Variants in CEP162 observed in about 807,000 individuals in gnomAD.
CEP162 encodes the protein centrosomal protein of 162 kDa.
A neutral mutation model predicts 169.2 loss-of-function variants in CEP162; 141 were observed. That is an observed-to-expected ratio of 0.83 (90% CI 0.73 to 0.96). The LOEUF (loss-of-function observed/expected upper bound fraction) is 0.96. Among genes scored for constraint, CEP162 ranks in the 40% least tolerant of loss-of-function variants. CEP162 has a pLI of 0.00. For synonymous variants in CEP162, 540 were observed against 526.4 expected (o/e 1.03, Z -0.35); for missense variants, 1,600 against 1,587.2 (o/e 1.01, Z -0.14).
intron 13 of CEP162, among the ~76,000 whole-genome samples, chr6:84,177,800 T>C (rs963019737): frequency 1.3e-4 from 20 of 152,254 alleles, no homozygotes; most frequent in African/African-American, 4.3e-4. Context: ...GCCTCCCAGA[T>C]TGCTGGGATT....
chr6:84,165,748 CTG>C (rs924643664), intron 18 of CEP162, among the ~76,000 whole-genome samples: 1 of 152,132 alleles, frequency 6.6e-6, no homozygotes, highest in African/African-American at 2.4e-5. Context: ...CTTATAAACT[CTG>C]TTTTATACTG....
At chr6:84,167,121 T>C (rs557832766) in intron 18 of CEP162, among the ~76,000 whole-genome samples, 1 of 152,308 alleles carries the variant, frequency 6.6e-6, no homozygotes, top group South Asian at 2.1e-4. Flanking sequence ...AATTCACCTT[T>C]TACCACTTCT....
chr6:84,162,788 T>C (rs2099526300), intron 19 of CEP162, among the ~76,000 whole-genome samples: 2 of 152,154 alleles, frequency 1.3e-5, no homozygotes, highest in African/African-American at 4.8e-5. Flanking sequence ...AGTGCACTAC[T>C]ATTTATTCAC....
At position 84,226,386 on chromosome 6, in the gene CEP162, T is replaced by C. The variant is rs1313527341; in HGVS notation, c.8A>G (p.Asn3Ser). The C allele has an allele frequency of 6.4e-7, 1 of 1,568,604 alleles. No homozygotes were observed. The highest frequency in any genetic ancestry group is 1.2e-5 in the South Asian group (1 of 85,652). The change falls in exon 2 of 27, where the codon AAC becomes AGC. Residue 3 changes from asparagine to serine, a missense_variant. By Grantham distance (46) the Asn-to-Ser change is conservative. Coordinates refer to ENST00000403245, the MANE Select transcript of CEP162 (RefSeq NM_014895.4). The stretch of plus-strand genomic sequence containing the variant: ...TTCATCTAGCTCTTCTTGGGAACAG[T>C]TAGCCATAGTCAACAATTTTGACCT... MA[N>S]CSQEELDEEF... is the part of the protein sequence containing the mutation.
intron 11 of CEP162, among the ~76,000 whole-genome samples, chr6:84,191,452 A>G (rs1437058142): frequency 6.6e-6 from 1 of 152,258 alleles, no homozygotes; most frequent in East Asian, 1.9e-4. Flanking sequence ...AGTTCTTTCC[A>G]GTGGTTCTCA....
At chr6:84,186,216 G>A (rs1323992027) in intron 12 of CEP162, 116 bp downstream of exon 12, 3 of 606,536 alleles carry the variant, frequency 4.9e-6, no homozygotes, top group Non-Finnish European at 8.6e-6. Context: ...TACTGTGGAG[G>A]TTAGTATATA....
intron 13 of CEP162, among the ~76,000 whole-genome samples, chr6:84,181,155 A>C (rs1170223314): frequency 6.6e-6 from 1 of 151,660 alleles, no homozygotes; most frequent in East Asian, 1.9e-4. Context: ...AAAAACAGAG[A>C]TAGAGACCAA....
Position 84,205,929 on chromosome 6 carries a change from GACAA to G in CEP162, c.572-1837_572-1834del, listed in dbSNP as rs530620001. On this transcript the variant is annotated intron_variant, in intron 6 of 26. Transcript: ENST00000403245. ...CAAACATTCCTATACACCAATAACA[GACAA>G]ACAGAGAGCCAAACATGAGTGAACT... is the stretch of plus-strand genomic sequence containing the variant. Among the ~76,000 whole-genome samples, 545 of 148,706 alleles carry G rather than the reference GACAA, an allele frequency of 3.7e-3. 56 individuals carry two copies. Among genetic ancestry groups the G allele is most frequent in the African/African-American group, 0.013 (496 of 38,170 alleles).
chr6:84,225,800 T>C (rs1057209975), intron 2 of CEP162, among the ~76,000 whole-genome samples: 4 of 151,696 alleles, frequency 2.6e-5, no homozygotes, highest in African/African-American at 9.8e-5. Flanking sequence ...AGAAGAAGCC[T>C]CTCTGAAGTG....
intron 13 of CEP162, among the ~76,000 whole-genome samples, chr6:84,183,612 A>G (rs1410470200): frequency 6.6e-6 from 1 of 152,026 alleles, no homozygotes; most frequent in East Asian, 1.9e-4. Context: ...ATTGTGTCAC[A>G]CTCCATTGAT....
chr6:84,223,446 C>A (rs143328590), intron 2 of CEP162, among the ~76,000 whole-genome samples: 5,256 of 151,626 alleles, frequency 0.035, 152 homozygotes, highest in African/African-American at 0.082. Flanking sequence ...TTGCAGTGAG[C>A]CAAGATTGCG....
At chr6:84,193,759 C>T in intron 10 of CEP162, 69 bp from the exon 11 acceptor site, 1 of 810,512 alleles carries the variant, frequency 1.2e-6, no homozygotes, top group Non-Finnish European at 1.9e-6. Flanking sequence ...TGTGTAATAA[C>T]ACCAAAATTA....
rs1299907887 is a variant in CEP162 at position 84,173,055 on chromosome 6, T to C, written c.2166+993A>G. Among the ~76,000 whole-genome samples the C allele has an allele frequency of 1.3e-5, 2 of 152,190 alleles. 1 individual carries two copies. The highest frequency in any genetic ancestry group is 1.3e-4 in the Admixed American group (2 of 15,274). On this transcript the variant is annotated intron_variant, in intron 16 of 26. Transcript: ENST00000403245. Reference sequence around the variant, plus strand: ...TCAAAATTTTTTCACCCTCAGGGCATTAGCAATTAATTTCAGATTCATATT... The same window carrying C: ...TCAAAATTTTTTCACCCTCAGGGCACTAGCAATTAATTTCAGATTCATATT...
chr6:84,181,548 C>T (rs2099534835), intron 13 of CEP162, among the ~76,000 whole-genome samples: 1 of 152,082 alleles, frequency 6.6e-6, no homozygotes, highest in Non-Finnish European at 1.5e-5. Context: ...TCCTTTTACA[C>T]ATGAAAAAAA....
At chr6:84,191,455 G>A (rs989339723) in intron 11 of CEP162, among the ~76,000 whole-genome samples, 1 of 152,172 alleles carries the variant, frequency 6.6e-6, no homozygotes, top group Admixed American at 6.5e-5. Flanking sequence ...TCTTTCCAGT[G>A]GTTCTCAAAG....
At chr6:84,212,890 T>A (rs1267558397) in intron 6 of CEP162, 67 bp downstream of exon 6, 3 of 965,784 alleles carry the variant, frequency 3.1e-6, no homozygotes, top group Non-Finnish European at 3.1e-6. Context: ...ATTTTTCTTA[T>A]TAATGTCTTT....
At chr6:84,181,057 G>A (rs1172286604) in intron 13 of CEP162, among the ~76,000 whole-genome samples, 2 of 152,116 alleles carry the variant, frequency 1.3e-5, no homozygotes, top group African/African-American at 2.4e-5. Context: ...ACAATCCTAA[G>A]CAAAAAGAAC....
At chr6:84,131,782 T>G (rs1466713634) in intron 25 of CEP162, among the ~76,000 whole-genome samples, 1 of 152,218 alleles carries the variant, frequency 6.6e-6, no homozygotes, top group Non-Finnish European at 1.5e-5. Context: ...TGATGGGTTT[T>G]GACTCTTTAT....
intron 25 of CEP162, among the ~76,000 whole-genome samples, chr6:84,139,980 CTT>C (rs1489392952): frequency 9.5e-6 from 1 of 104,866 alleles, no homozygotes; most frequent in African/African-American, 1.2e-4. Flanking sequence ...TTTAGACAAA[CTT>C]TGCTGTGGGT....
Sources: allele counts gnomAD v4.1 joint callset (sites outside exome capture counted in the v4.1 genomes callset), GRCh38; gene constraint gnomAD v4.1.1; transcripts MANE v1.5; gene names NCBI Gene and HGNC (gene_info 2026-07-23, HGNC 2026-07-21).